Variants in FBXL20 observed in about 807,000 individuals in gnomAD.
FBXL20 encodes the protein F-box and leucine rich repeat protein 20, also known as F-box/LRR-repeat protein 20.
Under a neutral mutation model 64.0 loss-of-function variants are expected in FBXL20, and 11 were observed. That is an observed-to-expected ratio of 0.17 (90% CI 0.11 to 0.28). FBXL20 has a LOEUF of 0.28. Ranked by LOEUF, FBXL20 falls within the 10% of genes least tolerant of loss-of-function variation. The pLI is 1.00. For synonymous variants in FBXL20, 184 were observed against 189.0 expected, an observed-to-expected ratio of 0.97 and a Z score of 0.22; for missense variants, 303 against 526.2, an observed-to-expected ratio of 0.58 and a Z score of 4.15.
At chr17:39,350,608 T>G (rs2047679255) in intron 1 of FBXL20, among the ~76,000 whole-genome samples, 1 of 151,426 alleles carries the variant, frequency 6.6e-6, no homozygotes, top group Admixed American at 6.6e-5. Flanking sequence ...AGCATTAAAG[T>G]GAAGGGAAAA....
chr17:39,298,957 A>G, intron 5 of FBXL20, 33 bp downstream of exon 5: 4 of 1,553,118 alleles, frequency 2.6e-6, no homozygotes, highest in Non-Finnish European at 3.6e-6. Context: ...CTTCACTTCC[A>G]TCAAGAAGAT....
intron 2 of FBXL20, among the ~76,000 whole-genome samples, chr17:39,335,929 C>A (rs1192648763): frequency 6.6e-6 from 1 of 152,060 alleles, no homozygotes; most frequent in African/African-American, 2.4e-5. Flanking sequence ...TTGCTTGAGG[C>A]CAGAAGTACA....
chr17:39,303,274 A>G (rs2047153943), intron 3 of FBXL20, among the ~76,000 whole-genome samples: 1 of 152,180 alleles, frequency 6.6e-6, no homozygotes, highest in Admixed American at 6.5e-5. Flanking sequence ...CTAGGAAAAC[A>G]TAATAAAACA....
At chr17:39,396,135 C>T (rs2144686336) in intron 1 of FBXL20, among the ~76,000 whole-genome samples, 1 of 146,098 alleles carries the variant, frequency 6.8e-6, no homozygotes, top group South Asian at 2.2e-4. Context: ...AGCCTACAAA[C>T]TTAAATATTA....
intron 2 of FBXL20, among the ~76,000 whole-genome samples, chr17:39,328,214 A>G (rs2047426938): frequency 7.6e-6 from 1 of 132,420 alleles, no homozygotes; most frequent in Admixed American, 8.7e-5. Context: ...CGCCAACTGC[A>G]CTCCAGCCTG....
At chr17:39,352,254 G>T (rs894878868) in intron 1 of FBXL20, among the ~76,000 whole-genome samples, 3 of 152,116 alleles carry the variant, frequency 2.0e-5, no homozygotes, top group Non-Finnish European at 2.9e-5. Flanking sequence ...AAAGAGCCAG[G>T]CACAGTGGTG....
chr17:39,279,519 CTT>C (rs2046929721), intron 9 of FBXL20, among the ~76,000 whole-genome samples: 1 of 149,980 alleles, frequency 6.7e-6, no homozygotes, highest in Admixed American at 6.7e-5. Flanking sequence ...AAAAAAGGAA[CTT>C]ATCACTTTTT....
chr17:39,344,667 T>C (rs1226377499), intron 1 of FBXL20, among the ~76,000 whole-genome samples: 1 of 151,962 alleles, frequency 6.6e-6, no homozygotes, highest in Non-Finnish European at 1.5e-5. Flanking sequence ...CACACACCTG[T>C]AGTACCAGCT....
chr17:39,393,866 T>C (rs1177291015), intron 1 of FBXL20, among the ~76,000 whole-genome samples: 2 of 152,228 alleles, frequency 1.3e-5, no homozygotes, highest in African/African-American at 4.8e-5. Flanking sequence ...TCTTTGTTTT[T>C]TATAAAAGTT....
At chr17:39,284,167 T>C (rs1012807853) in intron 7 of FBXL20, among the ~76,000 whole-genome samples, 2 of 152,214 alleles carry the variant, frequency 1.3e-5, no homozygotes, top group African/African-American at 4.8e-5. Context: ...GCTTTCTAGA[T>C]TTTCTTAGCT....
rs113757275 is a variant in FBXL20, at chr17:39,306,154, C to CTTT, written c.105-2518_105-2516dup. Among the ~76,000 whole-genome samples the CTTT allele has an allele frequency of 4.2e-3, 595 of 140,762 alleles. 4 individuals are homozygous for CTTT. Among genetic ancestry groups the CTTT allele is most frequent in the African/African-American group, 0.013 (512 of 38,330 alleles). The allele number at this position is 140,762 out of a possible 152,430, so 92.3% of individuals were successfully genotyped here. Reference sequence around the variant, plus strand: ...TCCAGCCTGGGTGATAGAGTGAGTTCTTTTTTTTTTTTTTAAGACGGAGTT... The same window carrying CTTT: ...TCCAGCCTGGGTGATAGAGTGAGTTCTTTTTTTTTTTTTTTTTAAGACGGAGTT... On this transcript the variant is annotated intron_variant, in intron 2 of 14. Coordinates refer to ENST00000264658, the MANE Select transcript of FBXL20 (RefSeq NM_032875.3).
intron 1 of FBXL20, among the ~76,000 whole-genome samples, chr17:39,360,367 T>A (rs1280040292): frequency 6.6e-6 from 1 of 152,154 alleles, no homozygotes; most frequent in Non-Finnish European, 1.5e-5. Context: ...ACTGTACACT[T>A]GAAATTGCTT....
chr17:39,326,473 T>C (rs1329135764), intron 2 of FBXL20, among the ~76,000 whole-genome samples: 3 of 151,582 alleles, frequency 2.0e-5, no homozygotes, highest in African/African-American at 4.8e-5. Context: ...ATACAAAAAT[T>C]AGCTGGGTGT....
intron 1 of FBXL20, among the ~76,000 whole-genome samples, chr17:39,370,408 T>C (rs2047905077): frequency 6.6e-6 from 1 of 151,508 alleles, no homozygotes; most frequent in South Asian, 2.1e-4. Context: ...AAGCATCGCT[T>C]GAACCCGGGA....
intron 9 of FBXL20, 120 bp downstream of exon 9, chr17:39,281,269 C>CA: frequency 1.2e-6 from 1 of 826,816 alleles, no homozygotes; most frequent in Non-Finnish European, 1.9e-6. Flanking sequence ...TTTACTTTGT[C>CA]ACTAGGGTTG....
intron 9 of FBXL20, 127 bp from the exon 10 acceptor site, chr17:39,275,227 G>C: frequency 2.1e-6 from 2 of 967,414 alleles, no homozygotes; most frequent in Non-Finnish European, 3.0e-6. Flanking sequence ...ACATTCATCA[G>C]ATAGCAGACC....
At chr17:39,287,393 C>G (rs2046998632) in intron 6 of FBXL20, among the ~76,000 whole-genome samples, 1 of 151,910 alleles carries the variant, frequency 6.6e-6, no homozygotes, top group Non-Finnish European at 1.5e-5. Context: ...TTGTGTGGGC[C>G]AATGTTTTCA....
intron 1 of FBXL20, among the ~76,000 whole-genome samples, chr17:39,350,532 A>C (rs1040995616): frequency 2.0e-5 from 3 of 151,902 alleles, no homozygotes; most frequent in African/African-American, 4.8e-5. Flanking sequence ...AAAAAAAAAA[A>C]AAACATAGCT....
Position 39,341,119 on chromosome 17 carries a change from GTAT to G in FBXL20, c.104+2058_104+2060del, listed in dbSNP as rs1408351688. On this transcript the variant is annotated intron_variant, in intron 2 of 14. Coordinates refer to ENST00000264658, the MANE Select transcript of FBXL20 (RefSeq NM_032875.3). Reference sequence around the variant, plus strand: ...TTTGTATAGTTAAATACATTCATAAGTATTAAGTGTTTTGTGGTGTCAAATCTG... The same window carrying G: ...TTTGTATAGTTAAATACATTCATAAGTAAGTGTTTTGTGGTGTCAAATCTG... 6.6e-5 allele frequency among the ~76,000 whole-genome samples: 10 copies of G among 151,156 alleles called. No individual in the cohort carries two copies. In the Admixed American group the frequency reaches 6.6e-4, roughly 10 times the overall value.
Sources: allele counts gnomAD v4.1 joint callset (sites outside exome capture counted in the v4.1 genomes callset), GRCh38; gene constraint gnomAD v4.1.1; transcripts MANE v1.5; gene names NCBI Gene and HGNC (gene_info 2026-07-23, HGNC 2026-07-21).